Variants in PCDHA7 observed in about 807,000 individuals in gnomAD.
PCDHA7 encodes the protein protocadherin alpha-7.
A neutral mutation model predicts 57.2 loss-of-function variants in PCDHA7; 37 were observed. The ratio of observed to expected loss-of-function variants is 0.65; its 90% CI spans 0.50 to 0.85. PCDHA7 has a LOEUF of 0.85. PCDHA7 is among the 40% of genes least tolerant of loss of function. The pLI is 0.00. For missense variants in PCDHA7, 1,188 were observed against 1,241.8 expected (o/e 0.96, Z 0.65); for synonymous variants, 553 against 558.8 (o/e 0.99, Z 0.15).
At chr5:140,941,095 A>C (rs2092727620) in intron 1 of PCDHA7, among the ~76,000 whole-genome samples, 1 of 152,062 alleles carries the variant, frequency 6.6e-6, no homozygotes, top group South Asian at 2.1e-4. Flanking sequence ...TAGTTTTCAC[A>C]TACTATTACT....
intron 3 of PCDHA7, among the ~76,000 whole-genome samples, chr5:140,990,307 A>C (rs1409511282): frequency 2.6e-5 from 4 of 152,132 alleles, no homozygotes; most frequent in Non-Finnish European, 5.9e-5. Flanking sequence ...TGTCTGTAAA[A>C]AACCAACCAA....
intron 1 of PCDHA7, chr5:140,852,540 T>C (rs2042365711): frequency 9.3e-6 from 5 of 536,720 alleles, no homozygotes; most frequent in Non-Finnish European, 1.2e-5. Flanking sequence ...CCTCCCAAAG[T>C]GCTGGGATTA....
intron 3 of PCDHA7, among the ~76,000 whole-genome samples, chr5:140,992,214 C>G (rs2097499658): frequency 6.6e-6 from 1 of 152,152 alleles, no homozygotes; most frequent in Non-Finnish European, 1.5e-5. Flanking sequence ...ATAAACTACT[C>G]TCCCTTCCTG....
chr5:140,909,494 G>A (rs1554193825), intron 1 of PCDHA7, among the ~76,000 whole-genome samples: 2 of 152,174 alleles, frequency 1.3e-5, no homozygotes, highest in African/African-American at 4.8e-5. Context: ...GAGCTGAACG[G>A]GGATGTGGTG....
intron 1 of PCDHA7, among the ~76,000 whole-genome samples, chr5:140,881,772 C>A (rs1253242879): frequency 6.6e-6 from 1 of 152,200 alleles, no homozygotes; most frequent in Admixed American, 6.5e-5. Context: ...CATGACTATG[C>A]AGAACTACCG....
intron 1 of PCDHA7, among the ~76,000 whole-genome samples, chr5:140,910,994 CT>C (rs1312142604): frequency 2.0e-5 from 3 of 152,222 alleles, no homozygotes; most frequent in African/African-American, 7.2e-5. Flanking sequence ...AACCTCACCC[CT>C]AGGGCCCTCC....
chr5:140,876,847 G>T, intron 1 of PCDHA7: 1 of 1,614,140 alleles, frequency 6.2e-7, no homozygotes, highest in Non-Finnish European at 8.5e-7. Context: ...CGCGCAGCCC[G>T]AGTACACAGT....
chr5:140,973,411 C>G (rs545745437), intron 1 of PCDHA7, among the ~76,000 whole-genome samples: 2 of 152,326 alleles, frequency 1.3e-5, no homozygotes, highest in East Asian at 3.9e-4. Context: ...TGAGCTTCCA[C>G]TCCAGTTTTT....
chr5:140,959,347 C>T (rs561977478), intron 1 of PCDHA7, among the ~76,000 whole-genome samples: 4 of 151,938 alleles, frequency 2.6e-5, no homozygotes, highest in Admixed American at 6.6e-5. Context: ...TGCACTCCAG[C>T]GGGACAACTG....
intron 1 of PCDHA7, among the ~76,000 whole-genome samples, chr5:140,840,888 C>T (rs1776926383): frequency 1.3e-5 from 2 of 151,946 alleles, no homozygotes; most frequent in South Asian, 4.2e-4. Flanking sequence ...TTTCTGATAT[C>T]CATGACATAC....
chr5:140,849,973 C>G, intron 1 of PCDHA7: 1 of 1,597,728 alleles, frequency 6.3e-7, no homozygotes, highest in Non-Finnish European at 8.6e-7. Context: ...GTGTCCTACT[C>G]GCTGGTGGAG....
intron 1 of PCDHA7, among the ~76,000 whole-genome samples, chr5:140,904,463 AT>A (rs2071154368): frequency 6.6e-6 from 1 of 151,520 alleles, no homozygotes; most frequent in Non-Finnish European, 1.5e-5. Flanking sequence ...ACACTTGTTG[AT>A]TGGTGGCTAT....
intron 1 of PCDHA7, chr5:140,850,435 T>G: frequency 1.3e-6 from 2 of 1,597,644 alleles, no homozygotes; most frequent in Middle Eastern, 1.7e-4. Flanking sequence ...CGCCAGCGCC[T>G]ACTGGTGCTG....
intron 1 of PCDHA7, among the ~76,000 whole-genome samples, chr5:140,964,317 G>A (rs1042787994): frequency 2.0e-5 from 3 of 152,218 alleles, no homozygotes; most frequent in Non-Finnish European, 4.4e-5. Context: ...GCCTAAAACA[G>A]CATAATGGAC....
intron 1 of PCDHA7, chr5:140,969,442 T>C (rs1554231813): frequency 1.3e-6 from 2 of 1,543,712 alleles, no homozygotes; most frequent in Admixed American, 4.0e-5. Flanking sequence ...AGTTATCTGG[T>C]AAACTGAGTA....
At chr5:140,872,497 C>G (rs1554166232) in intron 1 of PCDHA7, among the ~76,000 whole-genome samples, 1 of 152,150 alleles carries the variant, frequency 6.6e-6, no homozygotes. Context: ...CCTAGTGGTG[C>G]ATGCCTGTAG....
At chr5:140,970,442 A>G (rs1003756532) in intron 1 of PCDHA7, among the ~76,000 whole-genome samples, 3 of 152,182 alleles carry the variant, frequency 2.0e-5, no homozygotes, top group Non-Finnish European at 4.4e-5. Flanking sequence ...TAGTATATGC[A>G]CTAGTTTTGA....
At chr5:140,884,267 T>C in intron 1 of PCDHA7, 3 of 1,613,566 alleles carry the variant, frequency 1.9e-6, no homozygotes, top group South Asian at 1.1e-5. Context: ...AACGGTGCTG[T>C]TGTCGCTGGT....
intron 1 of PCDHA7, among the ~76,000 whole-genome samples, chr5:140,941,845 C>T (rs2093180727): frequency 6.6e-6 from 1 of 152,160 alleles, no homozygotes. Context: ...GCTGCCATTA[C>T]CTGATATTCC....
Sources: allele counts gnomAD v4.1 joint callset (sites outside exome capture counted in the v4.1 genomes callset), GRCh38; gene constraint gnomAD v4.1.1; transcripts MANE v1.5; gene names NCBI Gene and HGNC (gene_info 2026-07-23, HGNC 2026-07-21).